The following ARHGAP6 variants were observed in gnomAD, a reference collection of about 807,000 sequenced individuals.
The protein encoded by ARHGAP6 is rho GTPase-activating protein 6.
ARHGAP6 carries 16 observed loss-of-function variants against 55.7 expected under a neutral mutation model. The observed-to-expected ratio is 0.29, with a 90% CI of 0.19 to 0.44. The LOEUF (loss-of-function observed/expected upper bound fraction) is 0.44. Among genes scored for constraint, ARHGAP6 ranks in the 20% least tolerant of loss-of-function variants. The probability of loss-of-function intolerance (pLI) is 1.00; values close to 1 mark genes in which losing one functional copy is unlikely to be tolerated. For missense variants in ARHGAP6, 698 were observed against 808.9 expected (o/e 0.86, Z 1.66); for synonymous variants, 382 against 360.9 (o/e 1.06, Z -0.66).
intron 1 of ARHGAP6, among the ~76,000 whole-genome samples, chrX:11,261,488 T>A (rs1215207854): frequency 8.9e-6 from 1 of 111,958 alleles, no homozygotes; most frequent in East Asian, 2.8e-4. Context: ...TGACTGTTTA[T>A]CTTATAAATG....
At chrX:11,358,526 C>A (rs2048967105) in intron 1 of ARHGAP6, among the ~76,000 whole-genome samples, 1 of 98,038 alleles carries the variant, frequency 1.0e-5, no homozygotes, top group Admixed American at 1.2e-4. Context: ...GTTGCCTAGG[C>A]TGGAATGCGA....
At chrX:11,520,503 A>G (rs779434393) in intron 1 of ARHGAP6, among the ~76,000 whole-genome samples, 1 of 109,990 alleles carries the variant, frequency 9.1e-6, no homozygotes, top group Non-Finnish European at 1.9e-5. Context: ...ATCAGTTTTT[A>G]TGACTGCATA....
At chrX:11,390,075 C>G (rs947418262) in intron 1 of ARHGAP6, among the ~76,000 whole-genome samples, 61 of 112,120 alleles carry the variant, frequency 5.4e-4, no homozygotes, top group Non-Finnish European at 9.8e-4. Flanking sequence ...ACATTTAAGT[C>G]TTTAATCCAT....
chrX:11,658,663 A>G (rs2052664252), intron 1 of ARHGAP6, among the ~76,000 whole-genome samples: 1 of 105,234 alleles, frequency 9.5e-6, no homozygotes, highest in Admixed American at 1.1e-4. Flanking sequence ...CTCAATACCC[A>G]TAGAAAGTCA....
chrX:11,388,891 G>T (rs1216904694), intron 1 of ARHGAP6, among the ~76,000 whole-genome samples: 1 of 111,470 alleles, frequency 9.0e-6, no homozygotes, highest in African/African-American at 3.3e-5. Context: ...GTGTACCATT[G>T]GTCTTCACAC....
At chrX:11,598,693 T>C (rs774479375) in intron 1 of ARHGAP6, among the ~76,000 whole-genome samples, 1 of 112,784 alleles carries the variant, frequency 8.9e-6, no homozygotes, top group East Asian at 2.8e-4. Flanking sequence ...ATACTTTTTA[T>C]GGCTGCACAG....
chrX:11,190,621 C>G (rs2046445639), intron 3 of ARHGAP6, among the ~76,000 whole-genome samples: 1 of 109,523 alleles, frequency 9.1e-6, no homozygotes. Context: ...GTAAGGCTGA[C>G]AGCTACATGA....
intron 1 of ARHGAP6, among the ~76,000 whole-genome samples, chrX:11,607,069 G>C (rs2052044099): frequency 8.9e-6 from 1 of 112,178 alleles, no homozygotes; most frequent in African/African-American, 3.2e-5. Context: ...CTAATTCATA[G>C]TTCCCATTAA....
In ARHGAP6 at chrX:11,484,504, G is replaced by GAGAAAAAAGGAAGAAA. The variant is rs371491914; in HGVS notation, c.588+179736_588+179737insTTTCTTCCTTTTTTCT. Among the ~76,000 whole-genome samples the GAGAAAAAAGGAAGAAA allele has an allele frequency of 5.9e-5, 6 of 100,991 alleles. No individual in the cohort carries two copies. In the South Asian group the frequency reaches 1.4e-3, roughly 24 times the overall value. The allele number at this position is 100,991 out of a possible 115,157, so 87.7% of individuals were successfully genotyped here. On this transcript the variant is annotated intron_variant, in intron 1 of 12. Coordinates refer to ENST00000337414, the MANE Select transcript of ARHGAP6 (RefSeq NM_013427.3). ...AATGAGAGCAGAGGAGAAGGAGGAA[G>GAGAAAAAAGGAAGAAA]AGAAAAAAGGAAGAAGGAGGCAGAG...
chrX:11,371,582 A>G (rs1395312434), intron 1 of ARHGAP6, among the ~76,000 whole-genome samples: 4 of 112,619 alleles, frequency 3.6e-5, no homozygotes, highest in African/African-American at 1.3e-4. Context: ...GAGGTAATTA[A>G]AAGCTACAAT....
At chrX:11,434,159 G>C (rs1281972993) in intron 1 of ARHGAP6, among the ~76,000 whole-genome samples, 3 of 112,150 alleles carry the variant, frequency 2.7e-5, no homozygotes, top group African/African-American at 3.2e-5. Context: ...CACTGCACAG[G>C]ACGGCCTTCA....
intron 1 of ARHGAP6, among the ~76,000 whole-genome samples, chrX:11,584,234 A>G (rs976808686): frequency 1.8e-5 from 2 of 112,238 alleles, no homozygotes; most frequent in African/African-American, 6.5e-5. Context: ...AAACACAACC[A>G]AGAAACAAAC....
chrX:11,333,697 C>A (rs575227321), intron 1 of ARHGAP6, among the ~76,000 whole-genome samples: 16 of 112,282 alleles, frequency 1.4e-4, no homozygotes, highest in Middle Eastern at 4.6e-3. Flanking sequence ...ATTTTCCTTG[C>A]TGCAGTGGCA....
chrX:11,524,913 G>A (rs1204854027), intron 1 of ARHGAP6, among the ~76,000 whole-genome samples: 1 of 111,406 alleles, frequency 9.0e-6, no homozygotes, highest in African/African-American at 3.3e-5. Context: ...AGTCTCATAA[G>A]GCATGTGCCA....
intron 1 of ARHGAP6, among the ~76,000 whole-genome samples, chrX:11,468,397 A>G (rs1006549447): frequency 1.8e-5 from 2 of 111,954 alleles, no homozygotes; most frequent in African/African-American, 6.5e-5. Flanking sequence ...TTTCACAGTA[A>G]TCTTTCTAAA....
In ARHGAP6 at chrX:11,411,183, TTATATATATA is replaced by T. The variant is rs201875323; in HGVS notation, c.589-156486_589-156477del. Reference sequence around the variant, plus strand: ...GGCCTGTGTCACTGGCAGACATTATTTATATATATATATATATATATATATATATATATAT... The same window carrying T: ...GGCCTGTGTCACTGGCAGACATTATTTATATATATATATATATATATATAT... On this transcript the variant is annotated intron_variant, in intron 1 of 12. Coordinates refer to ENST00000337414, the MANE Select transcript of ARHGAP6 (RefSeq NM_013427.3). Among the ~76,000 whole-genome samples the T allele has an allele frequency of 5.2e-3, 165 of 31,789 alleles. 3 individuals carry two copies. Among genetic ancestry groups the T allele is most frequent in the African/African-American group, 8.4e-3 (86 of 10,256 alleles). The allele number at this position is 31,789 out of a possible 115,157, so 27.6% of individuals were successfully genotyped here.
At chrX:11,645,063 T>C (rs746290941) in intron 1 of ARHGAP6, among the ~76,000 whole-genome samples, 4 of 111,911 alleles carry the variant, frequency 3.6e-5, no homozygotes, top group African/African-American at 1.3e-4. Context: ...AGACATTATA[T>C]TGAGCAAAAG....
intron 1 of ARHGAP6, among the ~76,000 whole-genome samples, chrX:11,435,267 T>C (rs2049976932): frequency 8.9e-6 from 1 of 112,652 alleles, no homozygotes; most frequent in South Asian, 3.7e-4. Context: ...AAAATAATTC[T>C]AATAAATCAG....
At chrX:11,393,872 T>C (rs1043052773) in intron 1 of ARHGAP6, among the ~76,000 whole-genome samples, 1 of 111,638 alleles carries the variant, frequency 9.0e-6, no homozygotes, top group Non-Finnish European at 1.9e-5. Context: ...GAACATTAAC[T>C]CAAAAAAGCG....
Sources: allele counts gnomAD v4.1 joint callset (sites outside exome capture counted in the v4.1 genomes callset), GRCh38; gene constraint gnomAD v4.1.1; transcripts MANE v1.5; gene names NCBI Gene and HGNC (gene_info 2026-07-23, HGNC 2026-07-21).